Variants in HS3ST4 observed in about 807,000 individuals in gnomAD.
The protein encoded by HS3ST4 is heparan sulfate glucosamine 3-O-sulfotransferase 4.
Under a neutral mutation model 29.2 loss-of-function variants are expected in HS3ST4, and 17 were observed. That is an observed-to-expected ratio of 0.58 (90% CI 0.40 to 0.87). The LOEUF is 0.87. HS3ST4 is among the 40% of genes least tolerant of loss of function. HS3ST4 has a pLI of 0.00. For missense variants in HS3ST4, 627 were observed against 634.5 expected (o/e 0.99, Z 0.13); for synonymous variants, 314 against 285.7 (o/e 1.10, Z -1.00).
At chr16:25,799,776 G>A (rs189734451) in intron 1 of HS3ST4, among the ~76,000 whole-genome samples, 11 of 152,242 alleles carry the variant, frequency 7.2e-5, no homozygotes, top group Admixed American at 2.6e-4. Context: ...TCTGCCTGCC[G>A]TGTATTAAGT....
At chr16:25,889,502 A>G (rs570913085) in intron 1 of HS3ST4, among the ~76,000 whole-genome samples, 1 of 152,320 alleles carries the variant, frequency 6.6e-6, no homozygotes, top group Admixed American at 6.5e-5. Context: ...GGTTGAAATC[A>G]TGTGAATGAA....
At chr16:25,809,962 G>A (rs1198123052) in intron 1 of HS3ST4, among the ~76,000 whole-genome samples, 1 of 151,542 alleles carries the variant, frequency 6.6e-6, no homozygotes, top group Non-Finnish European at 1.5e-5. Flanking sequence ...TTTTTTTCCT[G>A]TTTTCAATTT....
chr16:25,988,897 A>T lies in HS3ST4; in HGVS notation c.735-146715A>T, dbSNP rs542265075. 5.3e-3 allele frequency among the ~76,000 whole-genome samples: 800 copies of T among 152,328 alleles called. 5 individuals are homozygous for T. Among genetic ancestry groups the T allele is most frequent in the Non-Finnish European group, 9.0e-3 (612 of 68,026 alleles). ...AAAAACAAAACTCAAAAAAAAATTTAAAAATTAAAAGTTAAAATTTTTAAA... is the reference window on the plus strand; with the variant it reads ...AAAAACAAAACTCAAAAAAAAATTTTAAAATTAAAAGTTAAAATTTTTAAA... On this transcript the variant is annotated intron_variant, in intron 1 of 1. Coordinates refer to ENST00000331351, the MANE Select transcript of HS3ST4 (RefSeq NM_006040.3).
chr16:25,943,662 G>A (rs893921708), intron 1 of HS3ST4, among the ~76,000 whole-genome samples: 11 of 152,206 alleles, frequency 7.2e-5, no homozygotes, highest in African/African-American at 2.4e-4. Flanking sequence ...ACTCCATTAC[G>A]AATTCCATTT....
chr16:25,712,054 C>G (rs1966419010), intron 1 of HS3ST4, among the ~76,000 whole-genome samples: 1 of 151,990 alleles, frequency 6.6e-6, no homozygotes, highest in Non-Finnish European at 1.5e-5. Flanking sequence ...AAAATATACT[C>G]CTGTAACATC....
At chr16:26,003,553 G>A (rs1051473094) in intron 1 of HS3ST4, among the ~76,000 whole-genome samples, 1 of 152,116 alleles carries the variant, frequency 6.6e-6, no homozygotes, top group Admixed American at 6.5e-5. Flanking sequence ...TGAAGACTTG[G>A]ATGCCCCCAG....
Position 25,749,173 on chromosome 16 carries a change from G to A in HS3ST4, c.734+56022G>A, listed in dbSNP as rs1373601116. ...ATTCTTATAGGCTTTTTCACCTTTA[G>A]ACGTATTTTTTAGGCTGATTAAGAA... On this transcript the variant is annotated intron_variant, in intron 1 of 1. Transcript: ENST00000331351. Among the ~76,000 whole-genome samples, 4 of 152,196 alleles carry A rather than the reference G, an allele frequency of 2.6e-5. No individual in the cohort carries two copies. The East Asian group carries it at 5.8e-4, about 22-fold the overall frequency.
intron 1 of HS3ST4, among the ~76,000 whole-genome samples, chr16:26,121,944 TGTTATTTCACAATCA>T (rs1186615084): frequency 6.6e-6 from 1 of 152,128 alleles, no homozygotes; most frequent in Middle Eastern, 3.2e-3. Flanking sequence ...TCCATAATCT[TGTTATTTCACAATCA>T]GGGAAAATGT....
At position 25,809,859 on chromosome 16, in the gene HS3ST4, T is replaced by G. The variant is rs967126576; in HGVS notation, c.734+116708T>G. On this transcript the variant is annotated intron_variant, in intron 1 of 1. Transcript: ENST00000331351. Reference sequence around the variant, plus strand: ...TACCCTGTTCCATTCCTCTTATTGGTGACTTGTGTCTTCTTTTTATTTTGT... The same window carrying G: ...TACCCTGTTCCATTCCTCTTATTGGGGACTTGTGTCTTCTTTTTATTTTGT... Among the ~76,000 whole-genome samples, 3 of 152,302 alleles carry G rather than the reference T, an allele frequency of 2.0e-5. No homozygotes were observed. The South Asian group carries it at 6.2e-4, about 32-fold the overall frequency.
At chr16:26,053,179 T>TAAGAC (rs1180131973) in intron 1 of HS3ST4, among the ~76,000 whole-genome samples, 2 of 152,218 alleles carry the variant, frequency 1.3e-5, no homozygotes, top group African/African-American at 4.8e-5. Flanking sequence ...TCCTGATACA[T>TAAGAC]AAGACGCTCC....
intron 1 of HS3ST4, among the ~76,000 whole-genome samples, chr16:25,754,814 T>C (rs893338478): frequency 5.9e-5 from 9 of 151,816 alleles, no homozygotes; most frequent in African/African-American, 1.9e-4. Flanking sequence ...CAATTCAAGA[T>C]GAGATTTGGG....
chr16:26,019,409 T>A (rs1969390241), intron 1 of HS3ST4, among the ~76,000 whole-genome samples: 4 of 152,256 alleles, frequency 2.6e-5, no homozygotes, highest in Admixed American at 2.0e-4. Flanking sequence ...AAGTGCCTTT[T>A]TTACATCCGT....
At chr16:25,757,910 T>A (rs1405265730) in intron 1 of HS3ST4, among the ~76,000 whole-genome samples, 1 of 152,140 alleles carries the variant, frequency 6.6e-6, no homozygotes, top group Non-Finnish European at 1.5e-5. Context: ...TTAGAATTTA[T>A]GTTCCTGGGT....
At chr16:26,013,167 A>G (rs1969327042) in intron 1 of HS3ST4, among the ~76,000 whole-genome samples, 1 of 152,146 alleles carries the variant, frequency 6.6e-6, no homozygotes, top group Non-Finnish European at 1.5e-5. Flanking sequence ...TGTCAAAAAT[A>G]AATAAATACA....
intron 1 of HS3ST4, among the ~76,000 whole-genome samples, chr16:26,123,592 C>G (rs1013514037): frequency 2.6e-5 from 4 of 152,148 alleles, no homozygotes; most frequent in African/African-American, 9.7e-5. Flanking sequence ...GTGGTGATTT[C>G]TGAGATTTTA....
intron 1 of HS3ST4, among the ~76,000 whole-genome samples, chr16:25,872,239 C>G (rs752092652): frequency 2.0e-5 from 3 of 152,172 alleles, no homozygotes; most frequent in Non-Finnish European, 4.4e-5. Context: ...ATTATCCCTC[C>G]ACCTTAAGGG....
chr16:25,692,433 G>C lies in HS3ST4; in HGVS notation c.16G>C (p.Ala6Pro). The C allele has an allele frequency of 8.7e-7, 1 of 1,150,158 alleles. No individual in the cohort carries two copies. The highest frequency in any genetic ancestry group is 1.1e-6 in the Non-Finnish European group (1 of 923,042). 71.2% of individuals were successfully genotyped at this position (1,150,158 alleles called of 1,614,324 possible). A position where few individuals can be genotyped will look rare whatever the true frequency, so the allele number is the denominator to read the frequency against. ...GGGAGCCGCGATGGCCCGGTGGCCCGCACCTCCTCCGCCTCCGCCTCCGCC... is the reference window on the plus strand; with the variant it reads ...GGGAGCCGCGATGGCCCGGTGGCCCCCACCTCCTCCGCCTCCGCCTCCGCC... MARWP[A>P]PPPPPPPPPP... Residue 6 changes from alanine (A) to proline (P), a missense_variant, in exon 1 of 2, where the codon GCA becomes CCA. Coordinates refer to ENST00000331351, the MANE Select transcript of HS3ST4 (RefSeq NM_006040.3).
intron 1 of HS3ST4, among the ~76,000 whole-genome samples, chr16:25,920,428 C>T (rs527566005): frequency 2.6e-5 from 4 of 152,162 alleles, no homozygotes; most frequent in African/African-American, 9.6e-5. Flanking sequence ...GATTTTATCT[C>T]CTACCACACT....
chr16:25,716,440 T>G (rs918790323), intron 1 of HS3ST4, among the ~76,000 whole-genome samples: 1 of 152,196 alleles, frequency 6.6e-6, no homozygotes, highest in Non-Finnish European at 1.5e-5. Context: ...CTCCCCTCTT[T>G]GCTGTTGGTG....
Sources: allele counts gnomAD v4.1 joint callset (sites outside exome capture counted in the v4.1 genomes callset), GRCh38; gene constraint gnomAD v4.1.1; transcripts MANE v1.5; gene names NCBI Gene and HGNC (gene_info 2026-07-23, HGNC 2026-07-21).